The following PAPOLG variants were observed in gnomAD, a reference collection of about 807,000 sequenced individuals.
PAPOLG encodes poly(A) polymerase gamma, also known as PAP-gamma.
PAPOLG carries 40 observed loss-of-function variants against 99.0 expected under a neutral mutation model. That is an observed-to-expected ratio of 0.40 (90% CI 0.31 to 0.53). The LOEUF is 0.53. PAPOLG is among the 20% of genes least tolerant of loss of function. PAPOLG has a pLI of 0.41. For missense variants in PAPOLG, 675 were observed against 884.1 expected, an observed-to-expected ratio of 0.76 and a Z score of 3.00; for synonymous variants, 310 against 299.3, an observed-to-expected ratio of 1.04 and a Z score of -0.37.
At chr2:60,794,822 A>T (rs1257223394) in intron 20 of PAPOLG, 47 bp downstream of exon 20, 10 of 1,546,078 alleles carry the variant, frequency 6.5e-6, no homozygotes, top group Non-Finnish European at 8.9e-6. Flanking sequence ...GTAAAGCGCC[A>T]TGTATCAGGA....
intron 1 of PAPOLG, among the ~76,000 whole-genome samples, chr2:60,757,389 G>A (rs557585285): frequency 4.7e-4 from 72 of 152,222 alleles, no homozygotes; most frequent in African/African-American, 1.7e-3. Flanking sequence ...GATGTTTATC[G>A]TTGCTGCCTG....
chr2:60,796,918 A>T lies in PAPOLG; in HGVS notation c.2113-144A>T, dbSNP rs574934702. The T allele has an allele frequency of 4.2e-5, 42 of 1,004,188 alleles. No individual in the cohort carries two copies. In the African/African-American group the frequency reaches 6.4e-4, roughly 15 times the overall value. 62.2% of individuals were successfully genotyped at this position (1,004,188 alleles called of 1,614,324 possible). A position where few individuals can be genotyped will look rare whatever the true frequency, so the allele number is the denominator to read the frequency against. ...AAGAGTTCCCTATGAACACGGAAGG[A>T]AATATTCATTGCATACTTGAGTGTT... On this transcript the variant is annotated intron_variant, in intron 21 of 21. Transcript: ENST00000238714.
rs538626950 is a variant in PAPOLG, at chr2:60,794,752, G to A, written c.2032G>A (p.Glu678Lys). Residue 678 changes from glutamate (E) to lysine (K), a missense_variant, in exon 20 of 22, where the codon GAA becomes AAA. Coordinates refer to ENST00000238714, the MANE Select transcript of PAPOLG (RefSeq NM_022894.4). ...AACATTTAAGGACCCCCGCACTGCT[G>A]AAGAAAGAAAAAGAAAATCAGTGGT... ...ESTFKDPRTA[E>K]ERKRKSVDAI... The A allele has an allele frequency of 1.2e-6, 2 of 1,610,352 alleles. No individual in the cohort carries two copies. Among genetic ancestry groups the A allele is most frequent in the African/African-American group, 2.7e-5 (2 of 74,942 alleles).
rs1246852747 is a variant in PAPOLG at position 60,786,154 on chromosome 2, A to C, written c.1167-793A>C. On this transcript the variant is annotated intron_variant, in intron 13 of 21. Transcript: ENST00000238714. ...ACTTGAGTGTAGCTTTCATATTTAAAGTTGATATAAAATCAATTGTGTTTA... is the reference window on the plus strand; with the variant it reads ...ACTTGAGTGTAGCTTTCATATTTAACGTTGATATAAAATCAATTGTGTTTA... Among the ~76,000 whole-genome samples the C allele has an allele frequency of 2.6e-5, 4 of 152,092 alleles. No homozygotes were observed. In the South Asian group the frequency reaches 8.3e-4, roughly 31 times the overall value.
intron 21 of PAPOLG, among the ~76,000 whole-genome samples, chr2:60,796,767 T>G (rs1355384743): frequency 6.6e-6 from 1 of 152,174 alleles, no homozygotes; most frequent in Non-Finnish European, 1.5e-5. Flanking sequence ...TCTTTATGCA[T>G]TTCTTGATCC....
At chr2:60,771,159 A>G (rs1670841315) in intron 6 of PAPOLG, among the ~76,000 whole-genome samples, 1 of 152,204 alleles carries the variant, frequency 6.6e-6, no homozygotes, top group Admixed American at 6.6e-5. Flanking sequence ...AAATAATACT[A>G]AACACAAAAA....
chr2:60,798,665 T>G lies in PAPOLG; in HGVS notation c.*1505T>G, dbSNP rs1368787910. 1 of 152,296 alleles carries G rather than the reference T, an allele frequency of 6.6e-6. No individual in the cohort carries two copies. The highest frequency in any genetic ancestry group is 6.5e-5 in the Admixed American group (1 of 15,268). The allele number at this position is 152,296 out of a possible 1,614,324, so 9.4% of individuals were successfully genotyped here. On this transcript the variant is annotated 3_prime_UTR_variant, in exon 22 of 22. Transcript: ENST00000238714. ...TAGTGTGGGGAAGACACCTCGTGTA[T>G]TATAGGACTCACGGGATGCCATCTA...
chr2:60,781,127 G>A (rs1052723362), intron 10 of PAPOLG, among the ~76,000 whole-genome samples: 1 of 152,162 alleles, frequency 6.6e-6, no homozygotes, highest in Non-Finnish European at 1.5e-5. Context: ...AGGCCGAGGC[G>A]GGTGGATCAC....
intron 21 of PAPOLG, 28 bp downstream of exon 21, chr2:60,795,048 C>T (rs1405346060): frequency 6.4e-7 from 1 of 1,565,086 alleles, no homozygotes; most frequent in South Asian, 1.1e-5. Context: ...TTCATAGGTA[C>T]AGTACATAGG....
chr2:60,795,010 C>T lies in PAPOLG; in HGVS notation c.2102C>T (p.Ser701Leu). ...ATGCCTATTCCAACTATTGATACAT[C>T]ACGCAAAAAGGTAACAAGATAGTCT... ...ESMPIPTIDT[S>L]RKKRLPSKEL... Residue 701 changes from serine (S) to leucine (L), a missense_variant, in exon 21 of 22, where the codon TCA becomes TTA. Physicochemically the swap from Ser to Leu is moderately radical, Grantham distance 145 (BLOSUM62 -2). Transcript: ENST00000238714. 2 of 1,611,032 alleles carry T rather than the reference C, an allele frequency of 1.2e-6. No individual in the cohort carries two copies. The highest frequency in any genetic ancestry group is 8.5e-7 in the Non-Finnish European group (1 of 1,178,062).
rs1671400511 is a variant in PAPOLG, at chr2:60,787,518, T to C, written c.1294T>C (p.Tyr432His). The change falls in exon 15 of 22, where the codon TAC becomes CAC. Residue 432 changes from tyrosine (Y) to histidine (H), a missense_variant. Transcript: ENST00000238714. ...TTAAATTTTACTTTATAGCAACAAT[T>C]ACGTATCAATGTGGTTCCTTGGGAT... Reference protein sequence around the residue: ...GNKEHHKDNNYVSMWFLGIIF... With the variant: ...GNKEHHKDNNHVSMWFLGIIF... 11 of 1,611,860 alleles carry C rather than the reference T, an allele frequency of 6.8e-6. No individual in the cohort carries two copies. The East Asian group carries it at 2.5e-4, about 36-fold the overall frequency.
chr2:60,792,442 C>T (rs1418262771), intron 17 of PAPOLG, among the ~76,000 whole-genome samples, 153 bp downstream of exon 17: 1 of 152,176 alleles, frequency 6.6e-6, no homozygotes, highest in Non-Finnish European at 1.5e-5. Flanking sequence ...AGAAATAACT[C>T]GTGGTAATCC....
intron 13 of PAPOLG, among the ~76,000 whole-genome samples, chr2:60,785,690 A>AT (rs774614184): frequency 0.34 from 46,795 of 136,384 alleles, 8,445 homozygotes; most frequent in African/African-American, 0.45. Flanking sequence ...TACCTGGCTG[A>AT]TTTTTTTTTT....
intron 16 of PAPOLG, 56 bp from the exon 17 acceptor site, chr2:60,792,073 C>A: frequency 6.5e-7 from 1 of 1,528,528 alleles, no homozygotes; most frequent in Non-Finnish European, 8.8e-7. Context: ...GAATTGAAAC[C>A]AGTCTTTATA....
At chr2:60,779,798 T>G (rs779997080) in intron 9 of PAPOLG, 23 bp downstream of exon 9, 2 of 1,589,892 alleles carry the variant, frequency 1.3e-6, no homozygotes, top group Non-Finnish European at 1.7e-6. Flanking sequence ...GTGTGTACTT[T>G]GACTGTTTAC....
intron 2 of PAPOLG, 49 bp from the exon 3 acceptor site, chr2:60,761,692 G>A: frequency 6.6e-7 from 1 of 1,513,080 alleles, no homozygotes; most frequent in South Asian, 1.1e-5. Context: ...TAAAAATACT[G>A]TTTGTTCATT....
At chr2:60,767,597 A>G (rs1670719989) in intron 3 of PAPOLG, among the ~76,000 whole-genome samples, 1 of 152,096 alleles carries the variant, frequency 6.6e-6, no homozygotes, top group Non-Finnish European at 1.5e-5. Flanking sequence ...CGCCCAGCCA[A>G]AAAGTAGCAT....
intron 3 of PAPOLG, 34 bp from the exon 4 acceptor site, chr2:60,768,436 A>G (rs369924492): frequency 1.6e-5 from 25 of 1,606,296 alleles, no homozygotes; most frequent in Non-Finnish European, 2.0e-5. Flanking sequence ...AATAATTTGA[A>G]TAATTGAATG....
At position 60,800,096 on chromosome 2, in the gene PAPOLG, G is replaced by C. The variant is rs1162338681; in HGVS notation, c.*2936G>C. 6.6e-6 allele frequency: 1 copy of C among 152,326 alleles called. No individual in the cohort carries two copies. Among genetic ancestry groups the C allele is most frequent in the Non-Finnish European group, 1.5e-5 (1 of 68,040 alleles). 9.4% of individuals were successfully genotyped at this position (152,326 alleles called of 1,614,324 possible). Reference sequence around the variant, plus strand: ...ATGAAAGGAAAACAATTACCTGCTAGCTTAAACCTTAGGGACTTAACCAAT... The same window carrying C: ...ATGAAAGGAAAACAATTACCTGCTACCTTAAACCTTAGGGACTTAACCAAT... On this transcript the variant is annotated 3_prime_UTR_variant, in exon 22 of 22. Transcript: ENST00000238714.
Sources: allele counts gnomAD v4.1 joint callset (sites outside exome capture counted in the v4.1 genomes callset), GRCh38; gene constraint gnomAD v4.1.1; transcripts MANE v1.5; gene names NCBI Gene and HGNC (gene_info 2026-07-23, HGNC 2026-07-21).